CDH4: variants seen among roughly 807,000 people sequenced by gnomAD.
CDH4 encodes cadherin 4.
A neutral mutation model predicts 86.0 loss-of-function variants in CDH4; 33 were observed. The ratio of observed to expected loss-of-function variants is 0.38; its 90% CI spans 0.29 to 0.51. The LOEUF is 0.51. CDH4 is among the 20% of genes least tolerant of loss of function. The probability of loss-of-function intolerance (pLI) is 0.86; values close to 1 mark genes in which losing one functional copy is unlikely to be tolerated. For synonymous variants in CDH4, 555 were observed against 549.4 expected (o/e 1.01, Z -0.14); for missense variants, 1,114 against 1,307.4 (o/e 0.85, Z 2.28).
chr20:61,595,889 G>A (rs1355364783), intron 2 of CDH4, among the ~76,000 whole-genome samples: 7 of 152,202 alleles, frequency 4.6e-5, no homozygotes, highest in South Asian at 2.1e-4. Context: ...ATTCCCGCAC[G>A]GCTTCCCATA....
At chr20:61,319,176 CAT>C (rs2123238011) in intron 2 of CDH4, among the ~76,000 whole-genome samples, 1 of 150,488 alleles carries the variant, frequency 6.6e-6, no homozygotes, top group Non-Finnish European at 1.5e-5. Flanking sequence ...AAAAATATAA[CAT>C]ATAACATGTT....
chr20:61,874,328 G>A (rs1983929030), intron 7 of CDH4, among the ~76,000 whole-genome samples: 1 of 152,142 alleles, frequency 6.6e-6, no homozygotes, highest in South Asian at 2.1e-4. Context: ...GCGGCGGCCT[G>A]GCTGTGACGA....
At chr20:61,589,969 C>G (rs950315171) in intron 2 of CDH4, among the ~76,000 whole-genome samples, 8 of 151,798 alleles carry the variant, frequency 5.3e-5, no homozygotes, top group African/African-American at 1.9e-4. Context: ...AGGCCAGGGT[C>G]GGGAAGCAGC....
chr20:61,356,984 C>G (rs1375602074), intron 2 of CDH4, among the ~76,000 whole-genome samples: 1 of 152,174 alleles, frequency 6.6e-6, no homozygotes, highest in African/African-American at 2.4e-5. Context: ...ACGAGGGAAT[C>G]TGTAGTGGGC....
intron 2 of CDH4, among the ~76,000 whole-genome samples, chr20:61,313,342 C>T (rs932364342): frequency 2.6e-5 from 4 of 152,286 alleles, no homozygotes; most frequent in East Asian, 1.9e-4. Context: ...CACCTGCAGC[C>T]GGGTGGGGAA....
chr20:61,537,499 C>A (rs558312632), intron 2 of CDH4, among the ~76,000 whole-genome samples: 28 of 152,248 alleles, frequency 1.8e-4, no homozygotes, highest in Non-Finnish European at 3.7e-4. Context: ...GCCAGGTGCC[C>A]TCATCAAGAG....
intron 2 of CDH4, among the ~76,000 whole-genome samples, chr20:61,639,780 T>C (rs980687806): frequency 6.6e-6 from 1 of 152,166 alleles, no homozygotes; most frequent in Non-Finnish European, 1.5e-5. Flanking sequence ...ACAGCGTCTT[T>C]ATTTCTTGGT....
At chr20:61,333,518 G>A (rs1363255030) in intron 2 of CDH4, among the ~76,000 whole-genome samples, 3 of 152,178 alleles carry the variant, frequency 2.0e-5, no homozygotes, top group South Asian at 2.1e-4. Flanking sequence ...TCCAGGAGGG[G>A]TGACTGCAGT....
chr20:61,685,769 G>C (rs778430899), intron 2 of CDH4, among the ~76,000 whole-genome samples: 4 of 152,192 alleles, frequency 2.6e-5, no homozygotes, highest in Admixed American at 1.3e-4. Flanking sequence ...CAGTCCTCAC[G>C]GGGCTACCCC....
chr20:61,917,313 G>T (rs2054913720), intron 9 of CDH4, among the ~76,000 whole-genome samples: 1 of 152,206 alleles, frequency 6.6e-6, no homozygotes, highest in South Asian at 2.1e-4. Flanking sequence ...ACGGCCTCTT[G>T]TCTCCCTCCT....
chr20:61,465,572 A>G lies in CDH4; in HGVS notation c.169+210635A>G, dbSNP rs143729466. Among the ~76,000 whole-genome samples the G allele has an allele frequency of 2.6e-4, 40 of 152,284 alleles. No homozygotes were observed. In the East Asian group the frequency reaches 7.5e-3, roughly 29 times the overall value. On this transcript the variant is annotated intron_variant, in intron 2 of 15. Transcript: ENST00000614565. ...GTATGGATGTATTGATTTTATGTAG[A>G]GACGGCCAAATGCATCCGAAGGGAA... is the stretch of plus-strand genomic sequence containing the variant.
intron 2 of CDH4, among the ~76,000 whole-genome samples, chr20:61,383,680 GTATATGA>G (rs367632545): frequency 4.8e-5 from 1 of 20,718 alleles, no homozygotes; most frequent in Non-Finnish European, 1.0e-4. Context: ...ATATATGAAT[GTATATGA>G]TATATGATAT....
intron 6 of CDH4, among the ~76,000 whole-genome samples, chr20:61,861,854 G>C (rs1390678644): frequency 6.6e-6 from 1 of 152,206 alleles, no homozygotes; most frequent in Non-Finnish European, 1.5e-5. Flanking sequence ...GGGCATCTTA[G>C]CTGGGTGCTG....
chr20:61,750,850 TA>T (rs2088484122), intron 3 of CDH4, among the ~76,000 whole-genome samples: 1 of 152,104 alleles, frequency 6.6e-6, no homozygotes, highest in Non-Finnish European at 1.5e-5. Context: ...CCTTAGAAAA[TA>T]AAATCTGAAC....
intron 2 of CDH4, among the ~76,000 whole-genome samples, chr20:61,538,195 G>A (rs1289738750): frequency 1.3e-5 from 2 of 152,296 alleles, no homozygotes; most frequent in East Asian, 1.9e-4. Context: ...GTGGGCACCC[G>A]TTTTCCATGG....
chr20:61,723,307 G>C (rs6089267), intron 2 of CDH4, among the ~76,000 whole-genome samples: 1 of 151,990 alleles, frequency 6.6e-6, no homozygotes, highest in Admixed American at 6.5e-5. Flanking sequence ...CACCTCCTCC[G>C]GACCCCCGTC....
chr20:61,524,148 C>T (rs1165248468), intron 2 of CDH4, among the ~76,000 whole-genome samples: 2 of 152,174 alleles, frequency 1.3e-5, no homozygotes, highest in Non-Finnish European at 2.9e-5. Context: ...CCCGAGCTTG[C>T]TGTGGTCCAT....
intron 2 of CDH4, chr20:61,437,631 G>C (rs1359858574): frequency 2.6e-5 from 4 of 152,164 alleles, no homozygotes; most frequent in African/African-American, 9.7e-5. Flanking sequence ...CAGTGTGTTC[G>C]GGTAATAAGG....
chr20:61,597,519 A>C (rs1389989647), intron 2 of CDH4, among the ~76,000 whole-genome samples: 1 of 152,218 alleles, frequency 6.6e-6, no homozygotes, highest in Non-Finnish European at 1.5e-5. Flanking sequence ...TGGCAGATCC[A>C]GAGAGCCCTG....
Sources: gnomAD v4.1 joint callset for allele counts (sites outside exome capture counted in the v4.1 genomes callset) on GRCh38, gnomAD v4.1.1 for gene constraint, MANE v1.5 for transcripts, NCBI Gene and HGNC (gene_info 2026-07-23, HGNC 2026-07-21) for gene names.